Variants in MTR observed in about 807,000 individuals in gnomAD.
The protein encoded by MTR is 5-methyltetrahydrofolate-homocysteine methyltransferase.
Under a neutral mutation model 154.8 loss-of-function variants are expected in MTR, and 84 were observed. That is an observed-to-expected ratio of 0.54 (90% CI 0.45 to 0.65). MTR has a LOEUF of 0.65. Among genes scored for constraint, MTR ranks in the 30% least tolerant of loss-of-function variants. The probability of loss-of-function intolerance (pLI) is 0.00; values close to 1 mark genes in which losing one functional copy is unlikely to be tolerated. For synonymous variants in MTR, 554 were observed against 553.9 expected (o/e 1.00, Z 0.00); for missense variants, 1,275 against 1,570.2 (o/e 0.81, Z 3.18).
intron 14 of MTR, among the ~76,000 whole-genome samples, chr1:236,836,238 G>A (rs1271184468): frequency 1.3e-5 from 2 of 151,620 alleles, no homozygotes; most frequent in African/African-American, 2.4e-5. Flanking sequence ...TTTTTCTGCC[G>A]TTAAGTTTGT....
chr1:236,810,462 A>G (rs1351884077), intron 4 of MTR, 41 bp from the exon 5 acceptor site: 1 of 1,515,552 alleles, frequency 6.6e-7, no homozygotes, highest in Non-Finnish European at 9.2e-7. Context: ...AAAAATGTTC[A>G]GCCACTTAGA....
intron 3 of MTR, among the ~76,000 whole-genome samples, chr1:236,807,673 C>G (rs553057014): frequency 4.1e-4 from 62 of 152,292 alleles, no homozygotes; most frequent in Non-Finnish European, 7.3e-4. Flanking sequence ...ATGGTAGATG[C>G]TAATGTCCCC....
intron 22 of MTR, among the ~76,000 whole-genome samples, chr1:236,864,143 CTGTAGTAAGTA>C (rs1664704067): frequency 6.6e-6 from 1 of 152,118 alleles, no homozygotes; most frequent in South Asian, 2.1e-4. Context: ...AGCTGATGAC[CTGTAGTAAGTA>C]TGTGTTTCGC....
chr1:236,840,899 A>G (rs1286737973), intron 15 of MTR, among the ~76,000 whole-genome samples: 1 of 152,184 alleles, frequency 6.6e-6, no homozygotes, highest in Non-Finnish European at 1.5e-5. Context: ...TGCTATGTCA[A>G]AGAGTGTACA....
intron 8 of MTR, chr1:236,819,950 TG>T: frequency 1.8e-6 from 2 of 1,137,306 alleles, no homozygotes; most frequent in Non-Finnish European, 2.6e-6. Context: ...GCTTCACTTC[TG>T]GAACCTTCAC....
intron 13 of MTR, 59 bp downstream of exon 13, chr1:236,832,137 T>C (rs1030599363): frequency 1.6e-5 from 21 of 1,279,514 alleles, no homozygotes; most frequent in Non-Finnish European, 2.2e-5. Context: ...AGACAGCATG[T>C]AAATGAAACA....
intron 22 of MTR, among the ~76,000 whole-genome samples, chr1:236,869,112 G>A (rs1001855766): frequency 1.3e-5 from 2 of 151,926 alleles, no homozygotes; most frequent in Admixed American, 6.6e-5. Flanking sequence ...TTAGTTAACT[G>A]AGAAATAAAG....
chr1:236,873,645 G>A, intron 22 of MTR, 128 bp from the exon 23 acceptor site: 3 of 769,070 alleles, frequency 3.9e-6, no homozygotes, highest in Non-Finnish European at 6.8e-6. Flanking sequence ...TCAATATTTA[G>A]TGAGCATTTC....
chr1:236,876,927 C>T (rs1221314004), intron 24 of MTR, among the ~76,000 whole-genome samples: 1 of 152,172 alleles, frequency 6.6e-6, no homozygotes, highest in African/African-American at 2.4e-5. Context: ...AAAGCTGAGT[C>T]CACTGACCAC....
intron 6 of MTR, 143 bp from the exon 7 acceptor site, chr1:236,815,461 T>C (rs1572201262): frequency 1.2e-6 from 1 of 807,756 alleles, no homozygotes; most frequent in Non-Finnish European, 2.1e-6. Flanking sequence ...TTGTGCCTTA[T>C]AAGGAAGACA....
intron 25 of MTR, among the ~76,000 whole-genome samples, chr1:236,881,202 A>G (rs1665714106): frequency 6.6e-6 from 1 of 152,192 alleles, no homozygotes. Flanking sequence ...TCCAGATAGA[A>G]AAACAAACTC....
At chr1:236,806,341 G>T in intron 3 of MTR, 108 bp downstream of exon 3, 2 of 852,770 alleles carry the variant, frequency 2.3e-6, no homozygotes. Context: ...CTAATGCCTA[G>T]TTATCTGTTG....
In MTR at chr1:236,795,688, G is replaced by A. The variant is rs766766417; in HGVS notation, c.-16G>A. ...TTCTCTGCCGCGCCCTCTGCGCAAG[G>A]AGGAGACTCGACAACATGTCACCCG... On this transcript the variant is annotated 5_prime_UTR_variant, in exon 1 of 33. Coordinates refer to ENST00000366577, the MANE Select transcript of MTR (RefSeq NM_000254.3). 5 of 1,613,926 alleles carry A rather than the reference G, an allele frequency of 3.1e-6. No homozygotes were observed. In the South Asian group the frequency reaches 4.4e-5, roughly 14 times the overall value.
intron 24 of MTR, among the ~76,000 whole-genome samples, chr1:236,876,623 C>T (rs1005982125): frequency 2.6e-5 from 4 of 152,114 alleles, no homozygotes; most frequent in African/African-American, 9.7e-5. Context: ...TGGTGGGACA[C>T]TACACTCAGA....
rs78229599 is a variant in MTR, at chr1:236,811,820, A to G, written c.503-918A>G. Among the ~76,000 whole-genome samples, 876 of 152,326 alleles carry G rather than the reference A, an allele frequency of 5.8e-3. 11 individuals are homozygous for G. Among genetic ancestry groups the G allele is most frequent in the African/African-American group, 0.02 (824 of 41,554 alleles). ...TCAACAGAATTTCATTATAATGTTG[A>G]TTAGAAAGAAAATACTGGTTTTGTT... On this transcript the variant is annotated intron_variant, in intron 5 of 32. Coordinates refer to ENST00000366577, the MANE Select transcript of MTR (RefSeq NM_000254.3).
intron 6 of MTR, among the ~76,000 whole-genome samples, 176 bp from the exon 7 acceptor site, chr1:236,815,428 C>T (rs1661531230): frequency 1.3e-5 from 2 of 152,174 alleles, no homozygotes; most frequent in Middle Eastern, 3.2e-3. Context: ...CACAGTATTA[C>T]ACTTGAGAAA....
At chr1:236,868,892 A>T (rs1302836736) in intron 22 of MTR, among the ~76,000 whole-genome samples, 3 of 152,370 alleles carry the variant, frequency 2.0e-5, no homozygotes, top group Middle Eastern at 3.4e-3. Flanking sequence ...TCACATGCTG[A>T]TAATTATTTA....
chr1:236,796,065 G>GT (rs879419129), intron 1 of MTR, among the ~76,000 whole-genome samples: 234 of 146,698 alleles, frequency 1.6e-3, no homozygotes, highest in Admixed American at 1.8e-3. Context: ...CCCTCTGGAA[G>GT]TTTTTTTTTT....
At position 236,824,007 on chromosome 1, in the gene MTR, TGAG is replaced by T. The variant is rs972599409; in HGVS notation, c.765-108_765-106del. 5.3e-5 allele frequency: 47 copies of T among 893,742 alleles called. 1 individual carries two copies. In the African/African-American group the frequency reaches 7.5e-4, roughly 14 times the overall value. The allele number at this position is 893,742 out of a possible 1,614,324, so 55.4% of individuals were successfully genotyped here. Reference sequence around the variant, plus strand: ...GGTAGTTGAATAAAAGTGCTTTGAATGAGGAGATTTATTATCCACTTGGTTTTA... The same window carrying T: ...GGTAGTTGAATAAAAGTGCTTTGAATGAGATTTATTATCCACTTGGTTTTA... On this transcript the variant is annotated intron_variant, in intron 8 of 32. Coordinates refer to ENST00000366577, the MANE Select transcript of MTR (RefSeq NM_000254.3).
Sources: allele counts gnomAD v4.1 joint callset (sites outside exome capture counted in the v4.1 genomes callset), GRCh38; gene constraint gnomAD v4.1.1; transcripts MANE v1.5; gene names NCBI Gene and HGNC (gene_info 2026-07-23, HGNC 2026-07-21).